Variants in LAIR1 observed in about 807,000 individuals in gnomAD.
The protein encoded by LAIR1 is leukocyte-associated immunoglobulin-like receptor 1.
In LAIR1, 24 loss-of-function variants were observed where a neutral mutation model predicts 32.8. The observed-to-expected ratio is 0.73, with a 90% confidence interval of 0.53 to 1.03. The LOEUF (loss-of-function observed/expected upper bound fraction) is 1.03. Among genes scored for constraint, LAIR1 ranks in the 50% least tolerant of loss-of-function variants. The pLI is 0.00. For missense variants in LAIR1, 355 were observed against 347.5 expected (o/e 1.02, Z -0.17); for synonymous variants, 150 against 140.5 (o/e 1.07, Z -0.48).
At chr19:54,358,411 T>TA (rs1491238498) in intron 4 of LAIR1, 2 of 176,428 alleles carry the variant, frequency 1.1e-5, no homozygotes, top group Admixed American at 9.6e-5. Context: ...TATATATATA[T>TA]TATGATGTAA....
chr19:54,364,924 C>T lies in LAIR1; in HGVS notation c.-120G>A. ...GGGCCTCCTGCCTATGGGGCTTCCACAGCAACTGCCTCACACAAGAGGAAG... is the reference window on the plus strand; with the variant it reads ...GGGCCTCCTGCCTATGGGGCTTCCATAGCAACTGCCTCACACAAGAGGAAG... On this transcript the variant is annotated 5_prime_UTR_variant, in exon 1 of 10. The change creates a new upstream start codon in the 5' untranslated region. Coordinates refer to ENST00000391742, the MANE Select transcript of LAIR1 (RefSeq NM_002287.6). The surrounding 1 kb of genome is among the most constrained non-coding windows in gnomAD (Gnocchi z 4.8). The T allele has an allele frequency of 3.1e-6, 5 of 1,588,208 alleles. No homozygotes were observed. Among genetic ancestry groups the T allele is most frequent in the Non-Finnish European group, 4.3e-6 (5 of 1,166,786 alleles).
upstream of LAIR1, chr19:54,368,177 A>T (rs1379149537): frequency 3.3e-5 from 5 of 152,168 alleles, no homozygotes; most frequent in Non-Finnish European, 4.4e-5. Flanking sequence ...CTGAACCTGG[A>T]GCTCACCTTG....
intron 2 of LAIR1, among the ~76,000 whole-genome samples, chr19:54,363,980 T>C (rs959453295): frequency 2.0e-5 from 3 of 152,222 alleles, no homozygotes; most frequent in Non-Finnish European, 2.9e-5. Flanking sequence ...GGGGCTGATA[T>C]GTTAATCAGC....
intron 5 of LAIR1, 96 bp from the exon 6 acceptor site, chr19:54,356,715 T>C: frequency 7.9e-7 from 1 of 1,272,818 alleles, no homozygotes; most frequent in South Asian, 1.2e-5. Flanking sequence ...GACTTACTAA[T>C]ATATAAAATA....
Position 54,356,951 on chromosome 19 carries a change from G to A in LAIR1, c.431C>T (p.Pro144Leu), listed in dbSNP as rs2081748199. ...PGSSAGPTQR[P>L]SDNSHNEHAP... is the part of the protein sequence containing the mutation. ...ACGCTCATTGTGACTGTTGTCCGAC[G>A]GCCTCTGCGTGGGTCCTGGGAGGGA... Residue 144 changes from proline to leucine, a missense_variant, in exon 5 of 10, where the codon CCG (proline) becomes CTG (leucine). Pro to Leu is a moderately conservative substitution (Grantham distance 98). Coordinates refer to ENST00000391742, the MANE Select transcript of LAIR1 (RefSeq NM_002287.6). 2 of 1,613,848 alleles carry A rather than the reference G, an allele frequency of 1.2e-6. No individual in the cohort carries two copies. The highest frequency in any genetic ancestry group is 1.7e-6 in the Non-Finnish European group (2 of 1,179,934).
At chr19:54,358,469 A>T in intron 4 of LAIR1, 1 of 1,283,802 alleles carries the variant, frequency 7.8e-7, no homozygotes, top group Non-Finnish European at 1.0e-6. Flanking sequence ...CTACATTGCA[A>T]ATCATATATT....
chr19:54,365,575 G>A (rs1342385560), upstream of LAIR1, among the ~76,000 whole-genome samples: 1 of 152,202 alleles, frequency 6.6e-6, no homozygotes, highest in Non-Finnish European at 1.5e-5. Flanking sequence ...TGGATCACCT[G>A]AGGCCATAAA....
Position 54,354,747 on chromosome 19 carries a change from C to G in LAIR1, c.*521G>C, listed in dbSNP as rs116432815. The G allele has an allele frequency of 6.6e-6, 1 of 152,410 alleles. No individual in the cohort carries two copies. The highest frequency in any genetic ancestry group is 1.5e-5 in the Non-Finnish European group (1 of 68,218). The allele number at this position is 152,410 out of a possible 1,614,324, so 9.4% of individuals were successfully genotyped here. On this transcript the variant is annotated 3_prime_UTR_variant, in exon 10 of 10. Coordinates refer to ENST00000391742, the MANE Select transcript of LAIR1 (RefSeq NM_002287.6). ...CCAGAGAACTGGGCTTGGCTCTCAG[C>G]TGTGTGTGTATAGCACAGTCTCAAG...
upstream of LAIR1, chr19:54,364,948 A>G: frequency 1.9e-6 from 3 of 1,552,444 alleles, no homozygotes; most frequent in Non-Finnish European, 2.6e-6. This position sits in a 1 kb window ranked among gnomAD's most constrained non-coding sequence, Gnocchi z 4.8. Flanking sequence ...CACAAGAGGA[A>G]GAGCTTTCTG....
Position 54,356,678 on chromosome 19 carries a change from CCA to C in LAIR1, c.455-61_455-60del, listed in dbSNP as rs753745862. 9.8e-6 allele frequency: 15 copies of C among 1,529,452 alleles called. No homozygotes were observed. The East Asian group carries it at 1.3e-4, about 14-fold the overall frequency. 94.7% of individuals were successfully genotyped at this position (1,529,452 alleles called of 1,614,324 possible). ...GCATTTATTGAGCACCTACTGTATA[CCA>C]CACACACGTCACGTGCGTTTCATAG... On this transcript the variant is annotated intron_variant, in intron 5 of 9. Transcript: ENST00000391742.
rs1212484287 is a variant in LAIR1 at position 54,352,447 on chromosome 19, GC to G, written c.*2820del. On this transcript the variant is annotated 3_prime_UTR_variant, in exon 10 of 10. Transcript: ENST00000391742. ...CCAGATCTCACCACCCTGAGTTCTG[GC>G]CCCTGCGTTGGGCGGGTTGGCAAGT... 4 of 153,734 alleles carry G rather than the reference GC, an allele frequency of 2.6e-5. No homozygotes were observed. Among genetic ancestry groups the G allele is most frequent in the Non-Finnish European group, 5.9e-5 (4 of 68,060 alleles). 9.5% of individuals were successfully genotyped at this position (153,734 alleles called of 1,614,324 possible). A position where few individuals can be genotyped will look rare whatever the true frequency, so the allele number is the denominator to read the frequency against.
upstream of LAIR1, among the ~76,000 whole-genome samples, chr19:54,366,498 CT>C (rs936761858): frequency 1.2e-4 from 18 of 151,374 alleles, no homozygotes; most frequent in Admixed American, 5.9e-4. Context: ...AATTTCTTTT[CT>C]TTTTTTTTAA....
At chr19:54,356,116 C>A in intron 8 of LAIR1, 110 bp from the exon 9 acceptor site, 2 of 1,330,868 alleles carry the variant, frequency 1.5e-6, no homozygotes, top group Non-Finnish European at 2.2e-6. Context: ...ATGTATAATA[C>A]GACCTTCTAG....
upstream of LAIR1, among the ~76,000 whole-genome samples, chr19:54,367,613 G>A (rs1234872883): frequency 2.0e-5 from 3 of 151,006 alleles, no homozygotes; most frequent in Non-Finnish European, 3.0e-5. Flanking sequence ...GGGCGTGGTG[G>A]TGGGCGCCTG....
chr19:54,361,160 G>A lies in LAIR1; in HGVS notation c.120C>T (p.Pro40=), dbSNP rs772516424. Reference sequence around the variant, plus strand: ...ACACGAAAGTCACATGGCTCCCCAGGGGGATCACGGTGCCTGGCTCAGCCG... The same window carrying A: ...ACACGAAAGTCACATGGCTCCCCAGAGGGATCACGGTGCCTGGCTCAGCCG... ...SISAEPGTVI[P]LGSHVTFVCR... The change falls in exon 3 of 10, where the codon CCC becomes CCT. Residue 40 remains proline (P), a synonymous_variant. Coordinates refer to ENST00000391742, the MANE Select transcript of LAIR1 (RefSeq NM_002287.6). 13 of 1,614,080 alleles carry A rather than the reference G, an allele frequency of 8.1e-6. No individual in the cohort carries two copies. In the African/African-American group the frequency reaches 1.3e-4, roughly 17 times the overall value.
At chr19:54,375,811 C>T in the LAIR1 span, among the ~76,000 whole-genome samples, 2 of 151,856 alleles carry the variant, frequency 1.3e-5, no homozygotes, top group African/African-American at 4.9e-5. Flanking sequence ...GTCAACGGAC[C>T]TCACAGTCTA....
chr19:54,373,338 G>T (rs544076207), upstream of LAIR1, among the ~76,000 whole-genome samples: 39 of 151,558 alleles, frequency 2.6e-4, no homozygotes, highest in Admixed American at 1.7e-3. Context: ...CAGCTACTTG[G>T]GAGGCTGAGG....
upstream of LAIR1, among the ~76,000 whole-genome samples, chr19:54,365,981 G>A (rs62132212): frequency 4.6e-5 from 7 of 152,122 alleles, no homozygotes; most frequent in Admixed American, 6.5e-5. Context: ...GCGACAACAC[G>A]GACGAAACCT....
At position 54,355,438 on chromosome 19, in the gene LAIR1, A is replaced by AG; in HGVS notation, c.718-25dup. On this transcript the variant is annotated intron_variant, in intron 9 of 9. Coordinates refer to ENST00000391742, the MANE Select transcript of LAIR1 (RefSeq NM_002287.6). This position sits in a 1 kb window ranked among gnomAD's most constrained non-coding sequence, Gnocchi z 4.7. ...GCCTAAGAGGGAGAGACCCAGGGTG[A>AG]GGGAGTGCCTGGTGGAGGGTGAGAC... The AG allele has an allele frequency of 6.4e-7, 1 of 1,571,046 alleles. No individual in the cohort carries two copies. Among genetic ancestry groups the AG allele is most frequent in the Non-Finnish European group, 8.6e-7 (1 of 1,159,060 alleles).
Sources: gnomAD v4.1 joint callset for allele counts (sites outside exome capture counted in the v4.1 genomes callset) on GRCh38, gnomAD v4.1.1 for gene constraint, Gnocchi (gnomAD v3.1) non-coding constraint, MANE v1.5 for transcripts, NCBI Gene and HGNC (gene_info 2026-07-23, HGNC 2026-07-21) for gene names.